OR13C2: variants seen among roughly 807,000 people sequenced by gnomAD.
The protein encoded by OR13C2 is olfactory receptor family 13 subfamily C member 2, also known as olfactory receptor 13C2.
A neutral mutation model predicts 12.8 loss-of-function variants in OR13C2; 9 were observed. The observed-to-expected ratio is 0.71, with a 90% CI of 0.43 to 1.23. The LOEUF is 1.23. Ranked by LOEUF, OR13C2 falls within the 50% of genes most tolerant of loss-of-function variation. The pLI is 0.00. For missense variants in OR13C2, 333 were observed against 387.0 expected (o/e 0.86, Z 1.17); for synonymous variants, 110 against 138.0 (o/e 0.80, Z 1.42).
Position 104,605,522 on chromosome 9 carries a change from C to T in OR13C2, c.106G>A (p.Val36Met), listed in dbSNP as rs1228788145. 2 of 1,609,970 alleles carry T rather than the reference C, an allele frequency of 1.2e-6. No individual in the cohort carries two copies. Among genetic ancestry groups the T allele is most frequent in the Non-Finnish European group, 1.7e-6 (2 of 1,177,900 alleles). ...LFFVLIFIMY[V>M]VILLGNGTLI... Reference sequence around the variant, plus strand: ...GTACCATTCCCCAGAAGGATGACCACATACATTATGAAGATGAGCACAAAA... The same window carrying T: ...GTACCATTCCCCAGAAGGATGACCATATACATTATGAAGATGAGCACAAAA... Residue 36 changes from valine to methionine, a missense_variant, in exon 1 of 1, where the codon GTG (valine) becomes ATG (methionine). Physicochemically the swap from Val to Met is conservative, Grantham distance 21. Coordinates refer to ENST00000542196, the MANE Select transcript of OR13C2 (RefSeq NM_001004481.1).
chr9:104,605,610 G>A lies in OR13C2; in HGVS notation c.18C>T (p.His6=). The change falls in exon 1 of 1, where the codon CAC becomes CAT. Residue 6 remains histidine, a synonymous_variant. Transcript: ENST00000542196. ...TCAGAAAAAATTCCACCAGAATGGT[G>A]TGGTTTTCCCATTCCATTTTACTCT... is the stretch of plus-strand genomic sequence containing the variant. MEWEN[H]TILVEFFLKG... is the part of the protein sequence containing the mutation. The A allele has an allele frequency of 6.2e-7, 1 of 1,608,354 alleles. No homozygotes were observed. Among genetic ancestry groups the A allele is most frequent in the Non-Finnish European group, 8.5e-7 (1 of 1,177,444 alleles).
Position 104,604,853 on chromosome 9 carries a change from A to G in OR13C2, c.775T>C (p.Tyr259His). ...GTCTCTTTAGACTTGGGCTTCATGT[A>G]CATGAAGAGGATGGTCCCATAGAAT... The part of the protein sequence containing the change: ...IIFYGTILFM[Y>H]MKPKSKETLN... Residue 259 changes from tyrosine to histidine, a missense_variant, in exon 1 of 1, where the codon TAC becomes CAC. Transcript: ENST00000542196. 6.2e-7 allele frequency: 1 copy of G among 1,613,528 alleles called. No homozygotes were observed. Among genetic ancestry groups the G allele is most frequent in the Non-Finnish European group, 8.5e-7 (1 of 1,179,930 alleles).
In OR13C2 at chr9:104,604,799, C is replaced by A; in HGVS notation, c.829G>T (p.Asp277Tyr). The change falls in exon 1 of 1, where the codon GAC becomes TAC. Residue 277 changes from aspartate (D) to tyrosine (Y), a missense_variant. By Grantham distance (160) the Asp-to-Tyr change is radical (BLOSUM62 -3). Coordinates refer to ENST00000542196, the MANE Select transcript of OR13C2 (RefSeq NM_001004481.1). ...TLNSDDLDAT[D>Y]KIISMFYGVM... ...CCATAGAACATGGATATAATTTTGTCGGTAGCATCCAAGTCATCCGAATTA... is the reference window on the plus strand; with the variant it reads ...CCATAGAACATGGATATAATTTTGTAGGTAGCATCCAAGTCATCCGAATTA... 1 of 1,613,336 alleles carries A rather than the reference C, an allele frequency of 6.2e-7. No individual in the cohort carries two copies. The highest frequency in any genetic ancestry group is 1.3e-5 in the African/African-American group (1 of 74,490).
rs199861043 is a variant in OR13C2 at position 104,605,139 on chromosome 9, C to T, written c.489G>A (p.Val163=). The change falls in exon 1 of 1, where the codon GTG becomes GTA. Residue 163 remains valine, a synonymous_variant. Transcript: ENST00000542196. The part of the protein sequence containing the change: ...AVNSAVQSVF[V]VQLPFCRNNI... ...TATTCCTGCAGAAAGGCAATTGTAC[C>T]ACAAACACTGATTGTACTGCAGAAT... The T allele has an allele frequency of 2.5e-6, 4 of 1,612,838 alleles. No homozygotes were observed. Among genetic ancestry groups the T allele is most frequent in the Non-Finnish European group, 3.4e-6 (4 of 1,179,866 alleles).
chr9:104,604,752 A>T lies in OR13C2; in HGVS notation c.876T>A (p.Asn292Lys), dbSNP rs1826306913. 6.2e-7 allele frequency: 1 copy of T among 1,613,168 alleles called. No homozygotes were observed. Among genetic ancestry groups the T allele is most frequent in the African/African-American group, 1.3e-5 (1 of 74,376 alleles). The change falls in exon 1 of 1, where the codon AAT becomes AAA. Residue 292 changes from asparagine (N) to lysine (K), a missense_variant. Coordinates refer to ENST00000542196, the MANE Select transcript of OR13C2 (RefSeq NM_001004481.1). ...TGTTTCTAAGACTGTAGATTAAAGG[A>T]TTCATCATGGGAGTCATCACCCCAT... ...MFYGVMTPMM[N>K]PLIYSLRNKD...
rs1826318796 is a variant in OR13C2, at chr9:104,605,355, G to C, written c.273C>G (p.Thr91=). 3.1e-6 allele frequency: 5 copies of C among 1,610,750 alleles called. No individual in the cohort carries two copies. In the African/African-American group the frequency reaches 4.1e-5, roughly 13 times the overall value. ...GCACTGCACAGCCAGAAAGGGAAAT[G>C]GTCTTTCTTTCTGAAAGGAAGCTCA... ...TLVSFLSERK[T]ISLSGCAVQM... is the part of the protein sequence containing the mutation. The change falls in exon 1 of 1, where the codon ACC becomes ACG. Residue 91 remains threonine, a synonymous_variant. Coordinates refer to ENST00000542196, the MANE Select transcript of OR13C2 (RefSeq NM_001004481.1).
In OR13C2 at chr9:104,604,955, T is replaced by C; in HGVS notation, c.673A>G (p.Ile225Val). ...CCCTCGGAAGAGCTAATTTTGAAGA[T>C]GCTCACAATGATTAACGTGTAAGAG... Reference protein sequence around the residue: ...IVSYTLIIVSIFKISSSEGRS... With the variant: ...IVSYTLIIVSVFKISSSEGRS... Residue 225 changes from isoleucine (I) to valine (V), a missense_variant, in exon 1 of 1, where the codon ATC becomes GTC. By Grantham distance (29) the Ile-to-Val change is conservative. Coordinates refer to ENST00000542196, the MANE Select transcript of OR13C2 (RefSeq NM_001004481.1). The C allele has an allele frequency of 6.2e-7, 1 of 1,613,504 alleles. No homozygotes were observed. Among genetic ancestry groups the C allele is most frequent in the Non-Finnish European group, 8.5e-7 (1 of 1,179,940 alleles).
In OR13C2 at chr9:104,604,815, A is replaced by T. The variant is rs773993775; in HGVS notation, c.813T>A (p.Asp271Glu). The change falls in exon 1 of 1, where the codon GAT becomes GAA. Residue 271 changes from aspartate (D) to glutamate (E), a missense_variant. Coordinates refer to ENST00000542196, the MANE Select transcript of OR13C2 (RefSeq NM_001004481.1). ...KPKSKETLNS[D>E]DLDATDKIIS... Reference sequence around the variant, plus strand: ...TAATTTTGTCGGTAGCATCCAAGTCATCCGAATTAAGTGTCTCTTTAGACT... The same window carrying T: ...TAATTTTGTCGGTAGCATCCAAGTCTTCCGAATTAAGTGTCTCTTTAGACT... 7 of 1,613,356 alleles carry T rather than the reference A, an allele frequency of 4.3e-6. No individual in the cohort carries two copies. The African/African-American group carries it at 8.1e-5, about 19-fold the overall frequency.
In OR13C2 at chr9:104,604,945, A is replaced by C. The variant is rs2118542923; in HGVS notation, c.683T>G (p.Ile228Ser). Reference protein sequence around the residue: ...YTLIIVSIFKISSSEGRSKAS... With the variant: ...YTLIIVSIFKSSSSEGRSKAS... ...TTTGCTTCTCCCCTCGGAAGAGCTA[A>C]TTTTGAAGATGCTCACAATGATTAA... Residue 228 changes from isoleucine to serine, a missense_variant, in exon 1 of 1, where the codon ATT becomes AGT. Physicochemically the swap from Ile to Ser is moderately radical, Grantham distance 142. Coordinates refer to ENST00000542196, the MANE Select transcript of OR13C2 (RefSeq NM_001004481.1). 6.2e-7 allele frequency: 1 copy of C among 1,613,584 alleles called. No individual in the cohort carries two copies. The highest frequency in any genetic ancestry group is 2.2e-5 in the East Asian group (1 of 44,860).
rs866674694 is a variant in OR13C2, at chr9:104,604,700, G to C, written c.928C>G (p.Leu310Val). The C allele has an allele frequency of 6.2e-7, 1 of 1,611,934 alleles. No homozygotes were observed. Among genetic ancestry groups the C allele is most frequent in the South Asian group, 1.1e-5 (1 of 90,920 alleles). The change falls in exon 1 of 1, where the codon CTA (leucine) becomes GTA (valine). Residue 310 changes from leucine (L) to valine (V), a missense_variant. Physicochemically the swap from Leu to Val is conservative, Grantham distance 32. Coordinates refer to ENST00000542196, the MANE Select transcript of OR13C2 (RefSeq NM_001004481.1). Reference sequence around the variant, plus strand: ...TTGCTAAAGAACCTTCTGTTCAGTAGGTGTTTTACTGCCTCTTTCACATCC... The same window carrying C: ...TTGCTAAAGAACCTTCTGTTCAGTACGTGTTTTACTGCCTCTTTCACATCC... ...NKDVKEAVKHLLNRRFFSK is the reference protein window; with the variant it reads ...NKDVKEAVKHVLNRRFFSK
rs749228888 is a variant in OR13C2, at chr9:104,605,143, A to G, written c.485T>C (p.Phe162Ser). ...CCTGCAGAAAGGCAATTGTACCACA[A>G]ACACTGATTGTACTGCAGAATTGAC... is the stretch of plus-strand genomic sequence containing the variant. ...GAVNSAVQSVFVVQLPFCRNN... is the reference protein window; with the variant it reads ...GAVNSAVQSVSVVQLPFCRNN... Residue 162 changes from phenylalanine to serine, a missense_variant, in exon 1 of 1, where the codon TTT (phenylalanine) becomes TCT (serine). Transcript: ENST00000542196. 6.2e-7 allele frequency: 1 copy of G among 1,612,940 alleles called. No homozygotes were observed. Among genetic ancestry groups the G allele is most frequent in the Admixed American group, 1.7e-5 (1 of 59,952 alleles).
At position 104,605,317 on chromosome 9, in the gene OR13C2, C is replaced by A. The variant is rs772751034; in HGVS notation, c.311G>T (p.Gly104Val). The change falls in exon 1 of 1, where the codon GGC (glycine) becomes GTC (valine). Residue 104 changes from glycine (G) to valine (V), a missense_variant. Transcript: ENST00000542196. The stretch of plus-strand genomic sequence containing the variant: ...ACACTCTGTTGTCCCCATGGCCAAG[C>A]CGAGGAACATCTGCACTGCACAGCC... ...LSGCAVQMFLGLAMGTTECVL... is the reference protein window; with the variant it reads ...LSGCAVQMFLVLAMGTTECVL... The A allele has an allele frequency of 6.2e-7, 1 of 1,613,630 alleles. No individual in the cohort carries two copies. Among genetic ancestry groups the A allele is most frequent in the South Asian group, 1.1e-5 (1 of 91,084 alleles).
Position 104,605,118 on chromosome 9 carries a change from C to T in OR13C2, c.510G>A (p.Arg170=), listed in dbSNP as rs780927989. The change falls in exon 1 of 1, where the codon AGG becomes AGA. Residue 170 remains arginine, a synonymous_variant. Transcript: ENST00000542196. Reference sequence around the variant, plus strand: ...AGGTGAAATGATTGATGATGTTATTCCTGCAGAAAGGCAATTGTACCACAA... The same window carrying T: ...AGGTGAAATGATTGATGATGTTATTTCTGCAGAAAGGCAATTGTACCACAA... ...SVFVVQLPFC[R]NNIINHFTCE... The T allele has an allele frequency of 7.4e-6, 12 of 1,612,458 alleles. No individual in the cohort carries two copies. Among genetic ancestry groups the T allele is most frequent in the South Asian group, 4.4e-5 (4 of 90,946 alleles).
In OR13C2 at chr9:104,604,962, A is replaced by G. The variant is rs372153578; in HGVS notation, c.666T>C (p.Ile222=). 4 of 1,613,568 alleles carry G rather than the reference A, an allele frequency of 2.5e-6. No homozygotes were observed. Among genetic ancestry groups the G allele is most frequent in the African/African-American group, 1.3e-5 (1 of 74,576 alleles). ...AAGAGCTAATTTTGAAGATGCTCAC[A>G]ATGATTAACGTGTAAGAGACAATGA... ...LLIIVSYTLI[I]VSIFKISSSE... The change falls in exon 1 of 1, where the codon ATT becomes ATC. Residue 222 remains isoleucine, a synonymous_variant. Coordinates refer to ENST00000542196, the MANE Select transcript of OR13C2 (RefSeq NM_001004481.1).
rs1404185111 is a variant in OR13C2, at chr9:104,605,297, C to G, written c.331G>C (p.Glu111Gln). ...GCCATCATGCCCAGAAGCACACACT[C>G]TGTTGTCCCCATGGCCAAGCCGAGG... ...MFLGLAMGTT[E>Q]CVLLGMMAFD... Residue 111 changes from glutamate (E) to glutamine (Q), a missense_variant, in exon 1 of 1, where the codon GAG (glutamate) becomes CAG (glutamine). By Grantham distance (29) the Glu-to-Gln change is conservative. Coordinates refer to ENST00000542196, the MANE Select transcript of OR13C2 (RefSeq NM_001004481.1). 6.2e-7 allele frequency: 1 copy of G among 1,613,644 alleles called. No individual in the cohort carries two copies.
rs1564226042 is a variant in OR13C2, at chr9:104,605,433, G to T, written c.195C>A (p.Asn65Lys). ...TGTAGCAGATGTCCAAGAAGGAGAG[G>T]TTCCCCAGAAAGAAGTACATAGGGG... ...LHTPMYFFLG[N>K]LSFLDICYTT... The change falls in exon 1 of 1, where the codon AAC becomes AAA. Residue 65 changes from asparagine (N) to lysine (K), a missense_variant. Transcript: ENST00000542196. 4 of 1,611,736 alleles carry T rather than the reference G, an allele frequency of 2.5e-6. No homozygotes were observed. The highest frequency in any genetic ancestry group is 1.7e-6 in the Non-Finnish European group (2 of 1,179,092).
chr9:104,604,966 A>T lies in OR13C2; in HGVS notation c.662T>A (p.Ile221Asn). Residue 221 changes from isoleucine (I) to asparagine (N), a missense_variant, in exon 1 of 1, where the codon ATC (isoleucine) becomes AAC (asparagine). Ile to Asn is a moderately radical substitution (Grantham distance 149). Transcript: ENST00000542196. Reference sequence around the variant, plus strand: ...GCTAATTTTGAAGATGCTCACAATGATTAACGTGTAAGAGACAATGATTAA... The same window carrying T: ...GCTAATTTTGAAGATGCTCACAATGTTTAACGTGTAAGAGACAATGATTAA... The part of the protein sequence containing the change: ...LLLIIVSYTL[I>N]IVSIFKISSS... The T allele has an allele frequency of 6.2e-7, 1 of 1,613,566 alleles. No individual in the cohort carries two copies. The highest frequency in any genetic ancestry group is 1.1e-5 in the South Asian group (1 of 91,080).
At position 104,605,230 on chromosome 9, in the gene OR13C2, G is replaced by A. The variant is rs1415437006; in HGVS notation, c.398C>T (p.Pro133Leu). The A allele has an allele frequency of 6.2e-7, 1 of 1,613,580 alleles. No homozygotes were observed. Among genetic ancestry groups the A allele is most frequent in the East Asian group, 2.2e-5 (1 of 44,854 alleles). ...ATAGGCATCCTTACTCATGATGATG[G>A]GATATCTCAGAGGGTTGCAGATAGC... ...YVAICNPLRY[P>L]IIMSKDAYVP... Residue 133 changes from proline to leucine, a missense_variant, in exon 1 of 1, where the codon CCC becomes CTC. Physicochemically the swap from Pro to Leu is moderately conservative, Grantham distance 98 (BLOSUM62 -3). Coordinates refer to ENST00000542196, the MANE Select transcript of OR13C2 (RefSeq NM_001004481.1).
Position 104,605,068 on chromosome 9 carries a change from A to G in OR13C2, c.560T>C (p.Leu187Pro). Residue 187 changes from leucine (L) to proline (P), a missense_variant, in exon 1 of 1, where the codon CTG becomes CCG. Physicochemically the swap from Leu to Pro is moderately conservative, Grantham distance 98. Coordinates refer to ENST00000542196, the MANE Select transcript of OR13C2 (RefSeq NM_001004481.1). ...FTCEILAVMKLACADISDNEF... is the reference protein window; with the variant it reads ...FTCEILAVMKPACADISDNEF... ...ATTGTCTGAGATGTCAGCACAGGCC[A>G]GTTTCATGACAGCCAGAATTTCACA... 1 of 1,613,478 alleles carries G rather than the reference A, an allele frequency of 6.2e-7. No homozygotes were observed. Among genetic ancestry groups the G allele is most frequent in the South Asian group, 1.1e-5 (1 of 91,084 alleles).
Sources: allele counts gnomAD v4.1 joint callset, GRCh38; gene constraint gnomAD v4.1.1; transcripts MANE v1.5; gene names NCBI Gene and HGNC (gene_info 2026-07-23, HGNC 2026-07-21).